The following SLC25A21 variants were observed in gnomAD, a reference collection of about 807,000 sequenced individuals.
The protein encoded by SLC25A21 is solute carrier family 25 member 21, also known as mitochondrial 2-oxodicarboxylate carrier.
Under a neutral mutation model 43.8 loss-of-function variants are expected in SLC25A21, and 47 were observed. The observed-to-expected ratio is 1.07, with a 90% CI of 0.85 to 1.37. SLC25A21 has a LOEUF of 1.37. Ranked by LOEUF, SLC25A21 falls within the 40% of genes most tolerant of loss-of-function variation. SLC25A21 has a pLI of 0.00. For missense variants in SLC25A21, 352 were observed against 350.2 expected, an observed-to-expected ratio of 1.00 and a Z score of -0.04; for synonymous variants, 131 against 121.3, an observed-to-expected ratio of 1.08 and a Z score of -0.52.
At chr14:37,165,613 C>A (rs1282154624) in intron 1 of SLC25A21, among the ~76,000 whole-genome samples, 1 of 152,022 alleles carries the variant, frequency 6.6e-6, no homozygotes, top group Non-Finnish European at 1.5e-5. Flanking sequence ...GAAGAAAATT[C>A]AGTGTGGACA....
chr14:36,759,466 T>C (rs1262684951), intron 3 of SLC25A21, among the ~76,000 whole-genome samples: 1 of 152,228 alleles, frequency 6.6e-6, no homozygotes, highest in Non-Finnish European at 1.5e-5. Flanking sequence ...ATTCCTGATT[T>C]TACAAACTAT....
At chr14:37,171,797 C>T (rs1964134085) in intron 1 of SLC25A21, 1 of 156,444 alleles carries the variant, frequency 6.4e-6, no homozygotes, top group Non-Finnish European at 1.4e-5. Flanking sequence ...GCACGAATAT[C>T]CCCAAGCAAG....
intron 1 of SLC25A21, among the ~76,000 whole-genome samples, chr14:36,912,173 G>T (rs1891704037): frequency 6.6e-6 from 1 of 152,140 alleles, no homozygotes; most frequent in Non-Finnish European, 1.5e-5. Context: ...CATTAACTTT[G>T]CTAAGAATTT....
chr14:36,833,666 C>T (rs1459902007), intron 2 of SLC25A21, among the ~76,000 whole-genome samples: 1 of 152,184 alleles, frequency 6.6e-6, no homozygotes, highest in Non-Finnish European at 1.5e-5. Context: ...TTAATTTCCT[C>T]TCCTAGTACA....
At chr14:36,888,837 A>C (rs1006100661) in intron 1 of SLC25A21, among the ~76,000 whole-genome samples, 2 of 152,210 alleles carry the variant, frequency 1.3e-5, no homozygotes, top group Admixed American at 1.3e-4. Flanking sequence ...TTAAAGAAAA[A>C]GAAAATGAAA....
chr14:37,145,692 T>C (rs1963653316), intron 1 of SLC25A21, among the ~76,000 whole-genome samples: 1 of 152,128 alleles, frequency 6.6e-6, no homozygotes, highest in Admixed American at 6.6e-5. Flanking sequence ...ACATTTGAGC[T>C]TGAGAAAACA....
intron 1 of SLC25A21, among the ~76,000 whole-genome samples, chr14:37,171,660 T>C (rs1964131621): frequency 6.6e-6 from 1 of 152,204 alleles, no homozygotes. Context: ...TAAGATTAAT[T>C]ACAACATTTT....
rs145370817 is a variant in SLC25A21 at position 37,010,131 on chromosome 14, G to A, written c.71-135127C>T. Reference sequence around the variant, plus strand: ...GGGAAAACATAACCACATATATAATGGGATGGTTTAAGATTTAATAAGATG... The same window carrying A: ...GGGAAAACATAACCACATATATAATAGGATGGTTTAAGATTTAATAAGATG... On this transcript the variant is annotated intron_variant, in intron 1 of 9. Coordinates refer to ENST00000331299, the MANE Select transcript of SLC25A21 (RefSeq NM_030631.4). Among the ~76,000 whole-genome samples the A allele has an allele frequency of 3.3e-3, 497 of 152,214 alleles. 1 individual carries two copies. Among genetic ancestry groups the A allele is most frequent in the African/African-American group, 0.011 (450 of 41,538 alleles).
intron 1 of SLC25A21, among the ~76,000 whole-genome samples, chr14:36,944,750 T>G (rs1416737725): frequency 6.6e-6 from 1 of 152,242 alleles, no homozygotes; most frequent in Non-Finnish European, 1.5e-5. Flanking sequence ...TTGTCCCATC[T>G]TCTCTCATTT....
At position 37,063,359 on chromosome 14, in the gene SLC25A21, G is replaced by C. The variant is rs564833386; in HGVS notation, c.70+108922C>G. Reference sequence around the variant, plus strand: ...TACTAAAAATATAAAAATTAGCCAGGCCTGGTGGCTTGAGACTGTAATCTC... The same window carrying C: ...TACTAAAAATATAAAAATTAGCCAGCCCTGGTGGCTTGAGACTGTAATCTC... On this transcript the variant is annotated intron_variant, in intron 1 of 9. Coordinates refer to ENST00000331299, the MANE Select transcript of SLC25A21 (RefSeq NM_030631.4). Among the ~76,000 whole-genome samples the C allele has an allele frequency of 2.0e-5, 3 of 152,132 alleles. No homozygotes were observed. The South Asian group carries it at 6.2e-4, about 32-fold the overall frequency.
intron 1 of SLC25A21, among the ~76,000 whole-genome samples, chr14:36,976,392 G>A (rs1397951019): frequency 2.0e-5 from 3 of 152,074 alleles, no homozygotes; most frequent in East Asian, 1.9e-4. Context: ...TTCAAATATC[G>A]TCAAAGGCTC....
chr14:36,971,948 A>C (rs1959760545), intron 1 of SLC25A21, among the ~76,000 whole-genome samples: 1 of 152,082 alleles, frequency 6.6e-6, no homozygotes, highest in African/African-American at 2.4e-5. Flanking sequence ...CACAAATACT[A>C]TTGGGGATTA....
At chr14:37,077,449 G>A (rs1023427098) in intron 1 of SLC25A21, among the ~76,000 whole-genome samples, 4 of 151,802 alleles carry the variant, frequency 2.6e-5, no homozygotes, top group East Asian at 1.9e-4. Context: ...GATTATACAC[G>A]CGGACACAAC....
At chr14:36,971,360 T>C (rs1959744355) in intron 1 of SLC25A21, among the ~76,000 whole-genome samples, 1 of 152,196 alleles carries the variant, frequency 6.6e-6, no homozygotes, top group Non-Finnish European at 1.5e-5. Flanking sequence ...GAAACAGGCA[T>C]GTTCTAACTG....
At chr14:36,993,341 C>A (rs529896990) in intron 1 of SLC25A21, among the ~76,000 whole-genome samples, 1 of 152,034 alleles carries the variant, frequency 6.6e-6, no homozygotes, top group Non-Finnish European at 1.5e-5. Flanking sequence ...TTCAAAGCCA[C>A]GAGTTTTATG....
chr14:36,915,356 T>G (rs1021694084), intron 1 of SLC25A21, among the ~76,000 whole-genome samples: 3 of 152,118 alleles, frequency 2.0e-5, no homozygotes, highest in Non-Finnish European at 2.9e-5. Flanking sequence ...CTCTCTCTTC[T>G]CTTTCAAAAC....
chr14:36,894,582 T>C (rs1301865136), intron 1 of SLC25A21, among the ~76,000 whole-genome samples: 1 of 151,046 alleles, frequency 6.6e-6, no homozygotes, highest in Non-Finnish European at 1.5e-5. Flanking sequence ...CTATGTTGAA[T>C]AGGAGTGGTG....
At chr14:36,926,917 T>A (rs1892147733) in intron 1 of SLC25A21, among the ~76,000 whole-genome samples, 1 of 152,096 alleles carries the variant, frequency 6.6e-6, no homozygotes, top group Non-Finnish European at 1.5e-5. Context: ...CTGGGAGGCA[T>A]AAGGCACTTT....
chr14:36,838,855 A>T (rs1889295062), intron 2 of SLC25A21, among the ~76,000 whole-genome samples: 2 of 152,214 alleles, frequency 1.3e-5, no homozygotes, highest in South Asian at 2.1e-4. Context: ...TAAGAATTTT[A>T]GTTGGTTAAG....
Sources: allele counts gnomAD v4.1 joint callset (sites outside exome capture counted in the v4.1 genomes callset), GRCh38; gene constraint gnomAD v4.1.1; transcripts MANE v1.5; gene names NCBI Gene and HGNC (gene_info 2026-07-23, HGNC 2026-07-21).